The following FALEC variants were observed in gnomAD, a reference collection of about 807,000 sequenced individuals.
The protein encoded by FALEC is focally amplified lncRNA on chromosome 1.
chr1:150,534,756 C>T, the FALEC span, among the ~76,000 whole-genome samples: 99 of 151,088 alleles, frequency 6.6e-4, 1 homozygote, highest in South Asian at 0.02. Context: ...GCAGGAGAAT[C>T]GCTTGAACCA....
At chr1:150,522,894 T>TATATAC (rs1670666475), downstream of FALEC, among the ~76,000 whole-genome samples, 3 of 75,980 alleles carry the variant, frequency 3.9e-5, no homozygotes, top group African/African-American at 9.4e-5. Flanking sequence ...TATACGTATA[T>TATATAC]ATATATATAC....
the FALEC span, among the ~76,000 whole-genome samples, chr1:150,528,158 C>T: frequency 6.6e-6 from 1 of 151,978 alleles, no homozygotes; most frequent in African/African-American, 2.4e-5. Context: ...ATTTTTGTGC[C>T]CTTATAAAAG....
the FALEC span, among the ~76,000 whole-genome samples, chr1:150,533,679 C>T: frequency 6.6e-6 from 1 of 152,022 alleles, no homozygotes; most frequent in Admixed American, 6.6e-5. Flanking sequence ...TCAGGTGATC[C>T]ACCAGCCTCA....
chr1:150,534,113 G>T, the FALEC span, among the ~76,000 whole-genome samples: 3 of 152,058 alleles, frequency 2.0e-5, no homozygotes, highest in Admixed American at 6.5e-5. Context: ...GACAAACCCA[G>T]GGTCAGATCC....
At chr1:150,516,720 A>T (rs1464512941) in intron 1 of FALEC, among the ~76,000 whole-genome samples, 1 of 152,228 alleles carries the variant, frequency 6.6e-6, no homozygotes, top group African/African-American at 2.4e-5. Context: ...GGAAAGCTTC[A>T]CAGAATTCAA....
chr1:150,532,014 C>G, the FALEC span, among the ~76,000 whole-genome samples: 1 of 152,222 alleles, frequency 6.6e-6, no homozygotes, highest in Admixed American at 6.5e-5. Flanking sequence ...ACGCCATTCT[C>G]CTGCCTCTCA....
chr1:150,529,683 C>T, the FALEC span, among the ~76,000 whole-genome samples: 60 of 152,028 alleles, frequency 3.9e-4, no homozygotes, highest in East Asian at 0.011. Flanking sequence ...CTGCAAGCTC[C>T]GCCTCCCGGG....
At chr1:150,534,113 G>A in the FALEC span, among the ~76,000 whole-genome samples, 1 of 152,058 alleles carries the variant, frequency 6.6e-6, no homozygotes, top group Non-Finnish European at 1.5e-5. Flanking sequence ...GACAAACCCA[G>A]GGTCAGATCC....
At chr1:150,521,214 T>C (rs1355403067), downstream of FALEC, among the ~76,000 whole-genome samples, 1 of 152,244 alleles carries the variant, frequency 6.6e-6, no homozygotes, top group Admixed American at 6.5e-5. Context: ...ATTATAAAAA[T>C]GGTAGATATT....
the FALEC span, among the ~76,000 whole-genome samples, chr1:150,529,455 C>T: frequency 2.0e-5 from 3 of 152,206 alleles, no homozygotes; most frequent in South Asian, 2.1e-4. Context: ...TTTTCCTTGT[C>T]CCCAAAATGA....
chr1:150,534,963 C>G, the FALEC span, among the ~76,000 whole-genome samples: 1 of 152,196 alleles, frequency 6.6e-6, no homozygotes, highest in Non-Finnish European at 1.5e-5. Flanking sequence ...CAGCAATCAG[C>G]CAGCCCCTCC....
the FALEC span, among the ~76,000 whole-genome samples, chr1:150,534,581 A>G: frequency 6.6e-6 from 1 of 152,052 alleles, no homozygotes; most frequent in Non-Finnish European, 1.5e-5. Flanking sequence ...CAGTGGCTCA[A>G]GCCTGTAATC....
the FALEC span, among the ~76,000 whole-genome samples, chr1:150,525,757 TC>T: frequency 2.0e-5 from 3 of 152,082 alleles, no homozygotes; most frequent in African/African-American, 7.2e-5. Flanking sequence ...GCTCAAGTGA[TC>T]CTCCTGCCTC....
chr1:150,533,272 C>T, the FALEC span, among the ~76,000 whole-genome samples: 5 of 152,214 alleles, frequency 3.3e-5, no homozygotes, highest in Admixed American at 6.5e-5. Flanking sequence ...TGTTGAGGGA[C>T]GGCCTTGAGG....
chr1:150,529,957 G>A, the FALEC span, among the ~76,000 whole-genome samples: 5 of 152,082 alleles, frequency 3.3e-5, no homozygotes, highest in Non-Finnish European at 4.4e-5. Context: ...TTTCTGGGGC[G>A]AGTATCTGTA....
intron 1 of FALEC, among the ~76,000 whole-genome samples, chr1:150,517,509 T>C (rs999170379): frequency 6.6e-6 from 1 of 151,976 alleles, no homozygotes; most frequent in African/African-American, 2.4e-5. Flanking sequence ...TGTGATGGTA[T>C]TAGGAGGTGG....
chr1:150,529,027 A>AAAAAAAAAAAAAAAAAAAAAAAAAAAT, the FALEC span, among the ~76,000 whole-genome samples: 1 of 150,818 alleles, frequency 6.6e-6, no homozygotes, highest in African/African-American at 2.4e-5. Flanking sequence ...AAAAAAAAAA[A>AAAAAAAAAAAAAAAAAAAAAAAAAAAT]AAAAAAAAAA....
chr1:150,522,968 TATATA>T (rs1670674102), downstream of FALEC, among the ~76,000 whole-genome samples: 18 of 47,604 alleles, frequency 3.8e-4, no homozygotes, highest in African/African-American at 1.0e-3. Context: ...TATATATATA[TATATA>T]TATATATATA....
At chr1:150,522,966 TATATATATATATA>T (rs1670673755), downstream of FALEC, among the ~76,000 whole-genome samples, 4 of 43,648 alleles carry the variant, frequency 9.2e-5, no homozygotes, top group African/African-American at 4.2e-4. Flanking sequence ...TATATATATA[TATATATATATATA>T]TATATTTTTT....
Sources: allele counts gnomAD v4.1 joint callset (sites outside exome capture counted in the v4.1 genomes callset), GRCh38; gene constraint gnomAD v4.1.1; transcripts MANE v1.5; gene names NCBI Gene and HGNC (gene_info 2026-07-23, HGNC 2026-07-21).